Variants in STARD9 observed in about 807,000 individuals in gnomAD.
The protein encoded by STARD9 is StAR related lipid transfer domain containing 9, also known as stAR-related lipid transfer protein 9.
In STARD9, 346 loss-of-function variants were observed where a neutral mutation model predicts 399.8. The ratio of observed to expected loss-of-function variants is 0.87; its 90% confidence interval spans 0.79 to 0.95. STARD9 has a LOEUF of 0.95. Ranked by LOEUF, STARD9 falls within the 40% of genes least tolerant of loss-of-function variation. STARD9 has a pLI of 0.00. For synonymous variants in STARD9, 2,203 were observed against 2,143.5 expected (o/e 1.03, Z -0.77); for missense variants, 5,832 against 5,667.5 (o/e 1.03, Z -0.93).
chr15:42,718,512 G>A lies in STARD9; in HGVS notation c.13840G>A (p.Glu4614Lys), dbSNP rs552918478. The A allele has an allele frequency of 5.1e-5, 79 of 1,537,166 alleles. No homozygotes were observed. The Admixed American group carries it at 1.5e-3, about 30-fold the overall frequency. ...CTGTTGTGTCTGCGTGGAAGCCAAA[G>A]AGGTGCCTGCCTTGGTGGTAAAGAT... ...DFCCVCVEAK[E>K]GHLSVMAAQS... The change falls in exon 31 of 33, where the codon GAG becomes AAG. Residue 4614 changes from glutamate to lysine, a missense_variant and splice_region_variant. This residue lies in a region of STARD9 where 5,828 missense variants were observed against 5,651.1 expected (regional missense o/e 1.03). Transcript: ENST00000290607.
chr15:42,638,778 C>T lies in STARD9; in HGVS notation c.525C>T (p.Val175=). Reference sequence around the variant, plus strand: ...AAAAAAAGTCCTATACCCTGCGGGTCAGGGAGCATCCAGAGATGGGGCCCT... The same window carrying T: ...AAAAAAAGTCCTATACCCTGCGGGTTAGGGAGCATCCAGAGATGGGGCCCT... The part of the protein sequence containing the change: ...SGQKKSYTLR[V]REHPEMGPYV... The change falls in exon 7 of 33, where the codon GTC becomes GTT. Residue 175 remains valine (V), a synonymous_variant. Coordinates refer to ENST00000290607, the MANE Select transcript of STARD9 (RefSeq NM_020759.3). 1 of 1,536,226 alleles carries T rather than the reference C, an allele frequency of 6.5e-7. No individual in the cohort carries two copies. Among genetic ancestry groups the T allele is most frequent in the East Asian group, 2.4e-5 (1 of 40,886 alleles).
intron 8 of STARD9, 113 bp from the exon 9 acceptor site, chr15:42,652,407 T>C (rs2059780409): frequency 3.4e-6 from 3 of 879,950 alleles, no homozygotes; most frequent in Non-Finnish European, 5.4e-6. Flanking sequence ...GTGTGTTTTA[T>C]GATTCTTGTC....
chr15:42,678,370 C>G (rs1419579442), intron 20 of STARD9, among the ~76,000 whole-genome samples: 2 of 152,172 alleles, frequency 1.3e-5, no homozygotes, highest in East Asian at 1.9e-4. Flanking sequence ...TCATGAGGAG[C>G]CTGCAAAGCT....
intron 3 of STARD9, among the ~76,000 whole-genome samples, chr15:42,586,092 A>T (rs924284185): frequency 6.6e-6 from 1 of 152,204 alleles, no homozygotes; most frequent in Non-Finnish European, 1.5e-5. Flanking sequence ...CAAGACATCA[A>T]AGTTGGCTAG....
chr15:42,648,317 C>T lies in STARD9; in HGVS notation c.560-2699C>T, dbSNP rs545016214. The stretch of plus-strand genomic sequence containing the variant: ...AGCTGGGATTACAGGCACATGCTAC[C>T]GTGCCCAGCTAATTTTTGTACTCTT... On this transcript the variant is annotated intron_variant, in intron 7 of 32. Transcript: ENST00000290607. 1.7e-3 allele frequency among the ~76,000 whole-genome samples: 264 copies of T among 152,184 alleles called. 1 individual carries two copies. The highest frequency in any genetic ancestry group is 2.9e-3 in the Non-Finnish European group (194 of 68,006).
chr15:42,575,817 G>A (rs998579179), intron 1 of STARD9, 55 bp downstream of exon 1: 2 of 1,510,146 alleles, frequency 1.3e-6, no homozygotes, highest in Non-Finnish European at 1.8e-6. Context: ...AAAAGAGCGG[G>A]AGGTCCGCGT....
At position 42,687,574 on chromosome 15, in the gene STARD9, C is replaced by G. The variant is rs2060591839; in HGVS notation, c.5996C>G (p.Thr1999Arg). 6.5e-7 allele frequency: 1 copy of G among 1,536,912 alleles called. No homozygotes were observed. Among genetic ancestry groups the G allele is most frequent in the African/African-American group, 1.4e-5 (1 of 73,032 alleles). Residue 1999 changes from threonine to arginine, a missense_variant, in exon 23 of 33, where the codon ACA (threonine) becomes AGA (arginine). By Grantham distance (71) the Thr-to-Arg change is moderately conservative. Coordinates refer to ENST00000290607, the MANE Select transcript of STARD9 (RefSeq NM_020759.3). ...TCAGAAGAGTTTAAGCTTCCAGGTACAAAGCCTGCATATGAAAGGTTCCAG... is the reference window on the plus strand; with the variant it reads ...TCAGAAGAGTTTAAGCTTCCAGGTAGAAAGCCTGCATATGAAAGGTTCCAG... ...DSSEEFKLPG[T>R]KPAYERFQLV... is the part of the protein sequence containing the mutation.
At chr15:42,719,419 C>T in intron 32 of STARD9, 54 bp from the exon 33 acceptor site, 1 of 1,192,886 alleles carries the variant, frequency 8.4e-7, no homozygotes, top group Non-Finnish European at 1.2e-6. Flanking sequence ...TGGAGTACGC[C>T]TGGCATTCTC....
At chr15:42,634,337 C>A (rs1170067693) in intron 3 of STARD9, among the ~76,000 whole-genome samples, 2 of 152,132 alleles carry the variant, frequency 1.3e-5, no homozygotes, top group Admixed American at 6.5e-5. Flanking sequence ...AAATGACCAG[C>A]AGAACCAGCC....
intron 3 of STARD9, among the ~76,000 whole-genome samples, chr15:42,632,036 G>T (rs116936632): frequency 0.027 from 4,145 of 152,042 alleles, 105 homozygotes; most frequent in South Asian, 0.074. Flanking sequence ...CTGAAAGTGG[G>T]GTGTTGAAGT....
intron 22 of STARD9, among the ~76,000 whole-genome samples, chr15:42,682,831 G>A (rs750236119): frequency 6.6e-6 from 1 of 152,136 alleles, no homozygotes; most frequent in African/African-American, 2.4e-5. Context: ...CATCTTAGGA[G>A]TAAGGATCTC....
chr15:42,693,414 A>G lies in STARD9; in HGVS notation c.11836A>G (p.Thr3946Ala). The G allele has an allele frequency of 6.5e-7, 1 of 1,537,082 alleles. No individual in the cohort carries two copies. The highest frequency in any genetic ancestry group is 8.7e-7 in the Non-Finnish European group (1 of 1,146,862). The stretch of plus-strand genomic sequence containing the variant: ...CCCAGACCCTGTTGATGCCCCAAGG[A>G]CTCCAATGGATAATTATTCCCAAAC... ...SSPDPVDAPRTPMDNYSQTTD... is the reference protein window; with the variant it reads ...SSPDPVDAPRAPMDNYSQTTD... Residue 3946 changes from threonine to alanine, a missense_variant, in exon 23 of 33, where the codon ACT becomes GCT. By Grantham distance (58) the Thr-to-Ala change is moderately conservative. Transcript: ENST00000290607.
chr15:42,656,410 G>C (rs778037490), intron 9 of STARD9, among the ~76,000 whole-genome samples: 1 of 136,290 alleles, frequency 7.3e-6, no homozygotes, highest in Non-Finnish European at 1.5e-5. Flanking sequence ...CTTTTACACT[G>C]TTGATGGGAA....
chr15:42,711,654 C>T (rs1192038807), intron 26 of STARD9, among the ~76,000 whole-genome samples: 2 of 152,104 alleles, frequency 1.3e-5, no homozygotes, highest in Non-Finnish European at 2.9e-5. Context: ...TATATGAGAG[C>T]TTCATTCGTT....
At chr15:42,618,587 T>A (rs1343659530) in intron 3 of STARD9, among the ~76,000 whole-genome samples, 1 of 151,988 alleles carries the variant, frequency 6.6e-6, no homozygotes, top group Non-Finnish European at 1.5e-5. Context: ...AAAGTTGTCT[T>A]TTTTTATTTT....
At chr15:42,579,196 G>A (rs1379821195) in intron 1 of STARD9, among the ~76,000 whole-genome samples, 1 of 152,150 alleles carries the variant, frequency 6.6e-6, no homozygotes, top group Non-Finnish European at 1.5e-5. Context: ...AAAAGAATGA[G>A]GCTTTCATGA....
At chr15:42,605,759 T>G (rs2058711817) in intron 3 of STARD9, among the ~76,000 whole-genome samples, 1 of 152,174 alleles carries the variant, frequency 6.6e-6, no homozygotes, top group African/African-American at 2.4e-5. Context: ...TTGGTGGAGA[T>G]CATGGTTCTG....
chr15:42,581,264 G>A (rs1053495321), intron 1 of STARD9: 6 of 887,704 alleles, frequency 6.8e-6, no homozygotes, highest in Non-Finnish European at 9.7e-6. Context: ...GGGATATTGG[G>A]CAGATGGCAG....
intron 3 of STARD9, among the ~76,000 whole-genome samples, chr15:42,618,078 C>T (rs1270520743): frequency 1.3e-5 from 2 of 151,702 alleles, no homozygotes; most frequent in Non-Finnish European, 2.9e-5. Context: ...ATTTAGTACA[C>T]ACTTTATGTA....
Sources: allele counts gnomAD v4.1 joint callset (sites outside exome capture counted in the v4.1 genomes callset), GRCh38; gene constraint gnomAD v4.1.1; regional missense constraint gnomAD v4.1.1; transcripts MANE v1.5; gene names NCBI Gene and HGNC (gene_info 2026-07-23, HGNC 2026-07-21).